The following CACNA2D1 variants were observed in gnomAD, a reference collection of about 807,000 sequenced individuals.
CACNA2D1 encodes the protein voltage-dependent calcium channel subunit alpha-2/delta-1.
CACNA2D1 carries 53 observed loss-of-function variants against 171.5 expected under a neutral mutation model. The observed-to-expected ratio is 0.31, with a 90% CI of 0.25 to 0.39. CACNA2D1 has a LOEUF of 0.39. CACNA2D1 is among the 10% of genes least tolerant of loss of function. The pLI is 1.00. For missense variants in CACNA2D1, 903 were observed against 1,299.8 expected (o/e 0.69, Z 4.69); for synonymous variants, 442 against 443.1 (o/e 1.00, Z 0.03).
intron 4 of CACNA2D1, among the ~76,000 whole-genome samples, chr7:82,140,544 C>T (rs758763767): frequency 2.0e-5 from 3 of 152,112 alleles, no homozygotes; most frequent in Non-Finnish European, 4.4e-5. Flanking sequence ...CTCTGTCAAC[C>T]AAATCCACCT....
chr7:82,211,621 T>C (rs972761193), intron 3 of CACNA2D1, among the ~76,000 whole-genome samples: 4 of 152,208 alleles, frequency 2.6e-5, no homozygotes, highest in African/African-American at 9.7e-5. Flanking sequence ...GATGGGCACC[T>C]AGGTTGATTC....
intron 4 of CACNA2D1, among the ~76,000 whole-genome samples, chr7:82,150,430 A>C (rs1793738992): frequency 6.6e-6 from 1 of 151,864 alleles, no homozygotes; most frequent in African/African-American, 2.4e-5. Context: ...CTTAAAAAAA[A>C]AAAAAAAAAT....
At chr7:82,426,138 T>TATAA (rs56342398) in intron 1 of CACNA2D1, among the ~76,000 whole-genome samples, 4,103 of 128,968 alleles carry the variant, frequency 0.032, 79 homozygotes, top group East Asian at 0.061. Context: ...TTCAAAAATA[T>TATAA]ATAAATAAAT....
chr7:82,072,102 C>A (rs1031885388), intron 7 of CACNA2D1, among the ~76,000 whole-genome samples: 10 of 152,206 alleles, frequency 6.6e-5, no homozygotes, highest in African/African-American at 2.4e-4. Context: ...GTAATTGAAT[C>A]AGTACCTTGA....
chr7:82,170,516 C>T, intron 4 of CACNA2D1, 34 bp downstream of exon 4: 1 of 1,446,420 alleles, frequency 6.9e-7, no homozygotes, highest in Non-Finnish European at 9.7e-7. Flanking sequence ...ATATGTCAAG[C>T]TATTTAAATC....
At chr7:81,983,182 G>C in intron 23 of CACNA2D1, 132 bp downstream of exon 23, 2 of 760,782 alleles carry the variant, frequency 2.6e-6, no homozygotes, top group Admixed American at 4.6e-5. Flanking sequence ...TTGCTGCTAA[G>C]TTTTGAGTGA....
At chr7:82,055,672 C>T (rs1805758461) in intron 10 of CACNA2D1, among the ~76,000 whole-genome samples, 2 of 144,690 alleles carry the variant, frequency 1.4e-5, no homozygotes, top group Non-Finnish European at 3.0e-5. Flanking sequence ...GACAAAAAAC[C>T]AAACACTGCA....
chr7:82,134,585 T>C (rs1042643415), intron 5 of CACNA2D1, among the ~76,000 whole-genome samples: 8 of 152,186 alleles, frequency 5.3e-5, no homozygotes, highest in African/African-American at 1.7e-4. Flanking sequence ...CATTTTACTA[T>C]TTATAAGGCT....
intron 18 of CACNA2D1, among the ~76,000 whole-genome samples, chr7:81,999,249 A>C (rs559032702): frequency 6.6e-6 from 1 of 152,310 alleles, no homozygotes; most frequent in African/African-American, 2.4e-5. Context: ...TACTTTTAAT[A>C]TAGCAATCTA....
At chr7:82,135,848 C>A (rs956058680) in intron 5 of CACNA2D1, among the ~76,000 whole-genome samples, 2 of 152,034 alleles carry the variant, frequency 1.3e-5, no homozygotes, top group Admixed American at 6.6e-5. Context: ...TACTGAAATA[C>A]CCCAAGCTCT....
rs144121612 is a variant in CACNA2D1 at position 82,116,091 on chromosome 7, G to A, written c.526+953C>T. Among the ~76,000 whole-genome samples the A allele has an allele frequency of 6.5e-3, 989 of 152,280 alleles. 9 individuals carry two copies. The highest frequency in any genetic ancestry group is 0.022 in the African/African-American group (894 of 41,556). On this transcript the variant is annotated intron_variant, in intron 6 of 38. Transcript: ENST00000356860. ...ATACACTCTACCGCGTCTCAATTAA[G>A]AGGAATACAAGAAACACGTTCTTTA...
At chr7:82,020,847 G>A (rs1801102916) in intron 12 of CACNA2D1, 1 of 152,098 alleles carries the variant, frequency 6.6e-6, no homozygotes, top group Non-Finnish European at 1.5e-5. Context: ...CTGACGGAGA[G>A]AAGAATTTAA....
At chr7:82,195,686 AC>A (rs141260256) in intron 3 of CACNA2D1, among the ~76,000 whole-genome samples, 11,906 of 151,290 alleles carry the variant, frequency 0.079, 1,044 homozygotes, top group East Asian at 0.21. Flanking sequence ...CTCTGGCCTA[AC>A]AAAATCTCTA....
At chr7:82,256,499 A>G (rs1806325193) in intron 3 of CACNA2D1, among the ~76,000 whole-genome samples, 1 of 152,168 alleles carries the variant, frequency 6.6e-6, no homozygotes, top group Non-Finnish European at 1.5e-5. Flanking sequence ...ATAGAGAAAT[A>G]CTGGTTATGA....
intron 3 of CACNA2D1, among the ~76,000 whole-genome samples, chr7:82,199,571 A>G (rs1177791300): frequency 1.3e-5 from 2 of 152,060 alleles, no homozygotes; most frequent in Non-Finnish European, 2.9e-5. Context: ...TTCATCTTTA[A>G]CCCTATTTAC....
intron 1 of CACNA2D1, among the ~76,000 whole-genome samples, chr7:82,412,009 G>A (rs2129455296): frequency 6.6e-6 from 1 of 151,980 alleles, no homozygotes; most frequent in African/African-American, 2.4e-5. Flanking sequence ...CTCAAATGGT[G>A]CTGCTGAGCT....
intron 4 of CACNA2D1, among the ~76,000 whole-genome samples, chr7:82,153,443 A>G (rs1457240393): frequency 6.6e-6 from 1 of 152,078 alleles, no homozygotes; most frequent in Non-Finnish European, 1.5e-5. Context: ...ACTCAAATTC[A>G]AATTTCCATT....
chr7:82,305,034 TA>T (rs1199717468), intron 3 of CACNA2D1, among the ~76,000 whole-genome samples: 1 of 152,172 alleles, frequency 6.6e-6, no homozygotes, highest in Non-Finnish European at 1.5e-5. Flanking sequence ...GTTAATTTTT[TA>T]AAAAAGAATT....
Position 82,315,108 on chromosome 7 carries a change from G to A in CACNA2D1, c.294+20027C>T, listed in dbSNP as rs561434208. Among the ~76,000 whole-genome samples the A allele has an allele frequency of 2.8e-3, 430 of 151,268 alleles. 3 individuals carry two copies. The highest frequency in any genetic ancestry group is 0.01 in the Middle Eastern group (3 of 294). On this transcript the variant is annotated intron_variant, in intron 3 of 38. Transcript: ENST00000356860. ...GCCGAGATTGTGCCACTGCACTCCA[G>A]CCTGGGTGACAGAGTCTCAACAACA... is the stretch of plus-strand genomic sequence containing the variant.
Sources: gnomAD v4.1 joint callset for allele counts (sites outside exome capture counted in the v4.1 genomes callset) on GRCh38, gnomAD v4.1.1 for gene constraint, MANE v1.5 for transcripts, NCBI Gene and HGNC (gene_info 2026-07-23, HGNC 2026-07-21) for gene names.